Variants in ENPP2 observed in about 807,000 individuals in gnomAD.
ENPP2 encodes the protein autotaxin.
ENPP2 carries 51 observed loss-of-function variants against 120.2 expected under a neutral mutation model. That is an observed-to-expected ratio of 0.42 (90% CI 0.34 to 0.54). The LOEUF (loss-of-function observed/expected upper bound fraction) is 0.54, where lower values mean the gene tolerates loss of function less well. ENPP2 is among the 20% of genes least tolerant of loss of function. The pLI is 0.04. For missense variants in ENPP2, 920 were observed against 1,066.5 expected (o/e 0.86, Z 1.91); for synonymous variants, 365 against 366.4 (o/e 1.00, Z 0.04).
intron 19 of ENPP2, chr8:119,578,496 G>C (rs1029567654): frequency 2.0e-5 from 3 of 152,188 alleles, no homozygotes; most frequent in African/African-American, 7.2e-5. Context: ...GCAAAATCAT[G>C]GGAGTTCAAT....
intron 18 of ENPP2, 55 bp from the exon 19 acceptor site, chr8:119,580,222 T>C: frequency 7.1e-7 from 1 of 1,406,622 alleles, no homozygotes; most frequent in South Asian, 1.2e-5. Context: ...AAATGTTCTT[T>C]CCCTCTGTGC....
At chr8:119,569,182 T>A in intron 21 of ENPP2, 53 bp downstream of exon 21, 1 of 1,567,556 alleles carries the variant, frequency 6.4e-7, no homozygotes, top group Non-Finnish European at 8.7e-7. Flanking sequence ...ATACCAAGAT[T>A]GCACAATGTG....
intron 2 of ENPP2, among the ~76,000 whole-genome samples, chr8:119,627,723 G>A (rs542612459): frequency 1.7e-4 from 26 of 151,854 alleles, no homozygotes; most frequent in Non-Finnish European, 3.1e-4. Context: ...TTAGCCCAGC[G>A]TGGTGGCAGG....
At chr8:119,601,502 A>C (rs1814304554) in intron 9 of ENPP2, 40 bp from the exon 10 acceptor site, 1 of 1,539,472 alleles carries the variant, frequency 6.5e-7, no homozygotes, top group Non-Finnish European at 9.0e-7. Flanking sequence ...GTTAGGTTTC[A>C]TTTCCGCAAA....
chr8:119,673,278 G>T, exon 1 of ENPP2: 1 of 1,535,306 alleles, frequency 6.5e-7, no homozygotes, highest in South Asian at 1.2e-5. Flanking sequence ...GTCATGCTGC[G>T]GGAGTCTCGG....
intron 1 of ENPP2, among the ~76,000 whole-genome samples, chr8:119,648,760 A>G (rs1318409551): frequency 6.6e-6 from 1 of 152,258 alleles, no homozygotes; most frequent in Non-Finnish European, 1.5e-5. Flanking sequence ...CAAAAAGTCC[A>G]GAGCTAACAT....
intron 1 of ENPP2, among the ~76,000 whole-genome samples, chr8:119,669,223 A>T (rs182128644): frequency 6.6e-6 from 1 of 152,300 alleles, no homozygotes; most frequent in East Asian, 1.9e-4. Flanking sequence ...CCTTTAATAA[A>T]TGCATTCAAC....
At chr8:119,658,370 A>C (rs535290773) in intron 1 of ENPP2, among the ~76,000 whole-genome samples, 2 of 152,312 alleles carry the variant, frequency 1.3e-5, no homozygotes, top group South Asian at 4.1e-4. Context: ...TCCTGGGCTC[A>C]AGGGATCCTC....
chr8:119,614,164 CA>C (rs991086658), intron 8 of ENPP2, among the ~76,000 whole-genome samples: 1 of 148,832 alleles, frequency 6.7e-6, no homozygotes. Context: ...CCTCCAGCTT[CA>C]AGCAATTTTC....
intron 13 of ENPP2, 125 bp downstream of exon 13, chr8:119,590,380 G>T (rs147039523): frequency 6.5e-6 from 4 of 617,872 alleles, no homozygotes; most frequent in African/African-American, 1.9e-5. Context: ...CTTATTTAAG[G>T]TCACTCAGCT....
At chr8:119,561,815 T>TTTG (rs1813965848) in intron 24 of ENPP2, among the ~76,000 whole-genome samples, 8 of 121,652 alleles carry the variant, frequency 6.6e-5, no homozygotes, top group Non-Finnish European at 5.5e-5. Flanking sequence ...GTGTGTGTGT[T>TTTG]TGTGTGTGTG....
At chr8:119,581,668 C>G (rs187602962) in intron 18 of ENPP2, among the ~76,000 whole-genome samples, 1 of 152,268 alleles carries the variant, frequency 6.6e-6, no homozygotes, top group East Asian at 1.9e-4. Flanking sequence ...CTTCGTCACT[C>G]CTCATTGAAT....
rs1378317030 is a variant in ENPP2 at position 119,601,023 on chromosome 8, A to T, written c.900-273T>A. On this transcript the variant is annotated intron_variant, in intron 10 of 24. Coordinates refer to ENST00000075322, the MANE Select transcript of ENPP2 (RefSeq NM_001040092.3). Reference sequence around the variant, plus strand: ...TCGGATCCTTGACCCTCAAGATAACAGAGCCTGGCGGTAATTCACATGGGC... The same window carrying T: ...TCGGATCCTTGACCCTCAAGATAACTGAGCCTGGCGGTAATTCACATGGGC... 2.0e-5 allele frequency among the ~76,000 whole-genome samples: 3 copies of T among 152,204 alleles called. No individual in the cohort carries two copies. The East Asian group carries it at 5.8e-4, about 29-fold the overall frequency.
At chr8:119,616,030 A>T (rs547046109) in intron 8 of ENPP2, among the ~76,000 whole-genome samples, 2 of 151,870 alleles carry the variant, frequency 1.3e-5, no homozygotes, top group African/African-American at 2.4e-5. Flanking sequence ...ATAAATATAT[A>T]ATATATACAT....
At chr8:119,573,594 C>T (rs1001505550) in intron 19 of ENPP2, among the ~76,000 whole-genome samples, 25 of 152,048 alleles carry the variant, frequency 1.6e-4, no homozygotes, top group African/African-American at 6.0e-4. Flanking sequence ...GGGCAGATCA[C>T]TTGAGGTCAG....
chr8:119,655,868 CA>C (rs1412368326), intron 1 of ENPP2, among the ~76,000 whole-genome samples: 1 of 152,198 alleles, frequency 6.6e-6, no homozygotes, highest in Non-Finnish European at 1.5e-5. Context: ...GCACACTATG[CA>C]ATGGGACATT....
At chr8:119,648,012 A>G (rs1055151532) in intron 1 of ENPP2, among the ~76,000 whole-genome samples, 2 of 152,158 alleles carry the variant, frequency 1.3e-5, no homozygotes, top group East Asian at 1.9e-4. Context: ...TCCCCAAAAA[A>G]AGAAAAGTTT....
intron 3 of ENPP2, among the ~76,000 whole-genome samples, chr8:119,622,797 T>A (rs1414947638): frequency 6.6e-6 from 1 of 152,148 alleles, no homozygotes; most frequent in Admixed American, 6.5e-5. Flanking sequence ...TTATACCATG[T>A]TTTCCGTGTT....
At chr8:119,634,148 A>C (rs1022511297) in intron 2 of ENPP2, among the ~76,000 whole-genome samples, 1 of 152,032 alleles carries the variant, frequency 6.6e-6, no homozygotes, top group African/African-American at 2.4e-5. Context: ...ACGCCACTGC[A>C]CTCCAGTCTG....
Sources: gnomAD v4.1 joint callset for allele counts (sites outside exome capture counted in the v4.1 genomes callset) on GRCh38, gnomAD v4.1.1 for gene constraint, MANE v1.5 for transcripts, NCBI Gene and HGNC (gene_info 2026-07-23, HGNC 2026-07-21) for gene names.